NOVA1: variants seen among roughly 807,000 people sequenced by gnomAD.
NOVA1 encodes the protein NOVA alternative splicing regulator 1.
Under a neutral mutation model 38.0 loss-of-function variants are expected in NOVA1, and 7 were observed. That is an observed-to-expected ratio of 0.18 (90% CI 0.10 to 0.35). The LOEUF (loss-of-function observed/expected upper bound fraction) is 0.35, where lower values mean the gene tolerates loss of function less well. Ranked by LOEUF, NOVA1 falls within the 10% of genes least tolerant of loss-of-function variation. NOVA1 has a pLI of 1.00. For missense variants in NOVA1, 460 were observed against 616.0 expected, an observed-to-expected ratio of 0.75 and a Z score of 2.68; for synonymous variants, 270 against 232.5, an observed-to-expected ratio of 1.16 and a Z score of -1.47.
chr14:26,582,803 T>C (rs1238730546), intron 2 of NOVA1, among the ~76,000 whole-genome samples: 1 of 151,716 alleles, frequency 6.6e-6, no homozygotes, highest in East Asian at 1.9e-4. Flanking sequence ...AAAGAGTCCA[T>C]CAGACTTATA....
At chr14:26,492,863 G>A (rs573240682) in intron 2 of NOVA1, among the ~76,000 whole-genome samples, 20 of 152,132 alleles carry the variant, frequency 1.3e-4, no homozygotes, top group South Asian at 4.2e-4. Flanking sequence ...TACTCGAGAG[G>A]TGGAGGTTTC....
chr14:26,592,661 G>A (rs1893928523), intron 2 of NOVA1: 1 of 151,438 alleles, frequency 6.6e-6, no homozygotes, highest in Non-Finnish European at 1.5e-5. Flanking sequence ...GTACAAAAAT[G>A]TTTTTTCATT....
intron 2 of NOVA1, among the ~76,000 whole-genome samples, chr14:26,590,584 A>T (rs1034955012): frequency 1.4e-4 from 21 of 151,862 alleles, no homozygotes; most frequent in Admixed American, 4.6e-4. Context: ...ACAATACAAC[A>T]TAAAATACAT....
At chr14:26,537,814 AACAGAG>A (rs1026872253) in intron 2 of NOVA1, among the ~76,000 whole-genome samples, 1 of 152,202 alleles carries the variant, frequency 6.6e-6, no homozygotes, top group Non-Finnish European at 1.5e-5. Context: ...AAGAAAACAA[AACAGAG>A]ACAGTAATGT....
intron 2 of NOVA1, among the ~76,000 whole-genome samples, chr14:26,555,767 A>G (rs1388765868): frequency 5.9e-5 from 9 of 152,140 alleles, no homozygotes; most frequent in Non-Finnish European, 1.5e-5. Flanking sequence ...AGCATAAGTA[A>G]TATTTAATTC....
chr14:26,520,792 A>C (rs542214370), intron 2 of NOVA1, among the ~76,000 whole-genome samples: 1 of 152,298 alleles, frequency 6.6e-6, no homozygotes, highest in South Asian at 2.1e-4. Context: ...TTACATGGCC[A>C]GAGTTTTAAT....
intron 2 of NOVA1, among the ~76,000 whole-genome samples, chr14:26,555,675 G>A (rs1204338742): frequency 1.3e-5 from 2 of 151,994 alleles, no homozygotes; most frequent in Non-Finnish European, 1.5e-5. Context: ...AAACTAACAC[G>A]TTAATTCACT....
chr14:26,563,382 G>T (rs1309020697), intron 2 of NOVA1, among the ~76,000 whole-genome samples: 2 of 145,842 alleles, frequency 1.4e-5, no homozygotes, highest in Non-Finnish European at 3.0e-5. Context: ...CAGAGAAACA[G>T]TAAGAACTTT....
chr14:26,503,630 A>T (rs1173520814), intron 2 of NOVA1, among the ~76,000 whole-genome samples: 1 of 151,972 alleles, frequency 6.6e-6, no homozygotes, highest in African/African-American at 2.4e-5. Flanking sequence ...ATTTTTTTTT[A>T]AAAATTAAAA....
At chr14:26,512,216 A>G (rs550026532) in intron 2 of NOVA1, among the ~76,000 whole-genome samples, 1 of 152,358 alleles carries the variant, frequency 6.6e-6, no homozygotes, top group Admixed American at 6.5e-5. Context: ...TTTAATTAAG[A>G]CTTCTTTTAA....
chr14:26,472,297 T>C, intron 4 of NOVA1, 23 bp downstream of exon 4: 1 of 1,439,384 alleles, frequency 6.9e-7, no homozygotes, highest in Non-Finnish European at 9.8e-7. Flanking sequence ...AAGTATGGTG[T>C]AGATGACAGG....
At chr14:26,554,913 G>A (rs1207187487) in intron 2 of NOVA1, among the ~76,000 whole-genome samples, 1 of 151,982 alleles carries the variant, frequency 6.6e-6, no homozygotes, top group Non-Finnish European at 1.5e-5. Context: ...AGAAATATTT[G>A]TCTATTTGTA....
intron 2 of NOVA1, among the ~76,000 whole-genome samples, chr14:26,499,703 C>T (rs973441260): frequency 6.6e-6 from 1 of 152,048 alleles, no homozygotes; most frequent in African/African-American, 2.4e-5. Context: ...AATTTACTCT[C>T]TTATGGCAAT....
At chr14:26,469,940 G>A (rs1447303959) in intron 4 of NOVA1, among the ~76,000 whole-genome samples, 5 of 152,050 alleles carry the variant, frequency 3.3e-5, no homozygotes, top group Admixed American at 6.6e-5. Context: ...TTTTAAGAAG[G>A]AAATTATTAT....
chr14:26,485,634 T>A (rs901037494), intron 2 of NOVA1, among the ~76,000 whole-genome samples: 6 of 152,152 alleles, frequency 3.9e-5, no homozygotes, highest in Admixed American at 2.0e-4. Context: ...AGAGTAAGAC[T>A]ATTCTAGAAT....
At chr14:26,497,647 C>G (rs1886919037) in intron 2 of NOVA1, among the ~76,000 whole-genome samples, 1 of 152,134 alleles carries the variant, frequency 6.6e-6, no homozygotes, top group African/African-American at 2.4e-5. Flanking sequence ...TCAATGCCTC[C>G]TTATTCAATT....
chr14:26,468,142 A>G (rs1884290963), intron 4 of NOVA1, among the ~76,000 whole-genome samples: 1 of 152,058 alleles, frequency 6.6e-6, no homozygotes, highest in South Asian at 2.1e-4. Flanking sequence ...TTTTGCTGGC[A>G]CACAATGTGG....
chr14:26,555,876 G>A (rs561114875), intron 2 of NOVA1, among the ~76,000 whole-genome samples: 11 of 152,132 alleles, frequency 7.2e-5, no homozygotes, highest in African/African-American at 2.4e-4. Flanking sequence ...TTATGTTAAC[G>A]TTTCTTACAA....
At chr14:26,481,145 G>A (rs61990569) in intron 2 of NOVA1, among the ~76,000 whole-genome samples, 6,265 of 152,046 alleles carry the variant, frequency 0.041, 189 homozygotes, top group South Asian at 0.096. Flanking sequence ...CATAACACAT[G>A]AACTTGCTTC....
Sources: gnomAD v4.1 joint callset for allele counts (sites outside exome capture counted in the v4.1 genomes callset) on GRCh38, gnomAD v4.1.1 for gene constraint, MANE v1.5 for transcripts, NCBI Gene and HGNC (gene_info 2026-07-23, HGNC 2026-07-21) for gene names.